The following ALK variants were observed in gnomAD, a reference collection of about 807,000 sequenced individuals.
ALK encodes ALK receptor tyrosine kinase.
A neutral mutation model predicts 163.1 loss-of-function variants in ALK; 74 were observed. The observed-to-expected ratio is 0.45, with a 90% CI of 0.38 to 0.55. ALK has a LOEUF of 0.55. Among genes scored for constraint, ALK ranks in the 20% least tolerant of loss-of-function variants. The probability of loss-of-function intolerance (pLI) is 0.00; values close to 1 mark genes in which losing one functional copy is unlikely to be tolerated. For synonymous variants in ALK, 960 were observed against 843.2 expected (o/e 1.14, Z -2.40); for missense variants, 2,063 against 2,105.3 (o/e 0.98, Z 0.39).
intron 3 of ALK, among the ~76,000 whole-genome samples, chr2:29,679,817 C>T (rs1197657824): frequency 2.0e-4 from 30 of 151,900 alleles, no homozygotes. Flanking sequence ...TTCAAGTTAG[C>T]TCCTGGTATG....
At chr2:29,621,101 G>C (rs753512456) in intron 3 of ALK, among the ~76,000 whole-genome samples, 1 of 152,174 alleles carries the variant, frequency 6.6e-6, no homozygotes, top group Admixed American at 6.5e-5. Context: ...TTCCAAAGGA[G>C]GGGGAGAGAT....
intron 3 of ALK, among the ~76,000 whole-genome samples, chr2:29,651,204 C>T (rs993557712): frequency 1.3e-5 from 2 of 152,162 alleles, no homozygotes; most frequent in Admixed American, 6.5e-5. Flanking sequence ...ATCCAGACCA[C>T]TCTTCCTGAC....
intron 5 of ALK, among the ~76,000 whole-genome samples, chr2:29,344,836 T>C (rs1667898845): frequency 2.0e-5 from 3 of 152,256 alleles, no homozygotes; most frequent in African/African-American, 4.8e-5. Context: ...AGATAACACT[T>C]GAGTTATCCT....
chr2:29,851,666 C>T (rs1458942889), intron 1 of ALK, among the ~76,000 whole-genome samples: 1 of 152,154 alleles, frequency 6.6e-6, no homozygotes, highest in East Asian at 1.9e-4. Flanking sequence ...GGTCTGGGAA[C>T]CACACTTTAA....
chr2:29,826,694 C>T (rs200709596), intron 1 of ALK, among the ~76,000 whole-genome samples: 1 of 152,210 alleles, frequency 6.6e-6, no homozygotes, highest in Non-Finnish European at 1.5e-5. Flanking sequence ...TGCCTGCCTG[C>T]CCTCCATGAT....
intron 1 of ALK, among the ~76,000 whole-genome samples, chr2:29,733,491 A>G (rs1378525266): frequency 1.3e-5 from 2 of 152,218 alleles, no homozygotes; most frequent in African/African-American, 4.8e-5. Context: ...ACGTGACCTC[A>G]GGCAAACTAT....
chr2:29,871,950 T>C (rs1321855304), intron 1 of ALK, among the ~76,000 whole-genome samples: 3 of 152,214 alleles, frequency 2.0e-5, no homozygotes, highest in Admixed American at 6.5e-5. Context: ...TCTTCTAACA[T>C]GCCTTCCTGG....
chr2:29,274,495 G>A (rs1232977108), intron 11 of ALK, among the ~76,000 whole-genome samples: 5 of 152,238 alleles, frequency 3.3e-5, no homozygotes, highest in African/African-American at 4.8e-5. Flanking sequence ...TAGGTTCACA[G>A]CCGCTGGTCT....
intron 18 of ALK, 137 bp downstream of exon 18, chr2:29,226,785 A>G: frequency 9.3e-7 from 1 of 1,080,222 alleles, no homozygotes. Flanking sequence ...AGAGCACTCG[A>G]GCTGTGGCAG....
chr2:29,345,484 G>A (rs1447500732), intron 5 of ALK, among the ~76,000 whole-genome samples: 1 of 151,770 alleles, frequency 6.6e-6, no homozygotes, highest in African/African-American at 2.4e-5. Context: ...TAGCAAGGAT[G>A]TAGTGAGTTA....
intron 11 of ALK, among the ~76,000 whole-genome samples, chr2:29,267,329 T>G (rs963173323): frequency 1.3e-5 from 2 of 152,200 alleles, no homozygotes; most frequent in African/African-American, 4.8e-5. Flanking sequence ...CGAGAGACTA[T>G]GAAGTGGAGG....
chr2:29,569,567 C>T (rs554318173), intron 3 of ALK, among the ~76,000 whole-genome samples: 1 of 77,544 alleles, frequency 1.3e-5, no homozygotes, highest in East Asian at 4.4e-4. Context: ...TTTTCTTCCC[C>T]CCCCCTAGTG....
intron 26 of ALK, among the ~76,000 whole-genome samples, chr2:29,197,995 C>T (rs1040379882): frequency 9.2e-5 from 14 of 152,134 alleles, no homozygotes; most frequent in African/African-American, 3.1e-4. Context: ...AAACATTTTC[C>T]ATGCCAGTCC....
chr2:29,251,172 C>T lies in ALK; in HGVS notation c.2137G>A (p.Glu713Lys), dbSNP rs2148197410. The stretch of plus-strand genomic sequence containing the variant: ...TTCAGGGGGCCCTCGCTCCCCACCT[C>T]CACGCTCAGGTTGGAGTTCTGGTAG... ...NAYQNSNLSV[E>K]VGSEGPLKGI... The change falls in exon 12 of 29, where the codon GAG (glutamate) becomes AAG (lysine). Residue 713 changes from glutamate (E) to lysine (K), a missense_variant. Physicochemically the swap from Glu to Lys is moderately conservative, Grantham distance 56. Coordinates refer to ENST00000389048, the MANE Select transcript of ALK (RefSeq NM_004304.5). 1 of 1,614,186 alleles carries T rather than the reference C, an allele frequency of 6.2e-7. No individual in the cohort carries two copies. Among genetic ancestry groups the T allele is most frequent in the Non-Finnish European group, 8.5e-7 (1 of 1,180,020 alleles).
At chr2:29,706,768 C>T (rs1182089276) in intron 2 of ALK, among the ~76,000 whole-genome samples, 1 of 152,124 alleles carries the variant, frequency 6.6e-6, no homozygotes, top group Non-Finnish European at 1.5e-5. Context: ...AATCATAGAA[C>T]AGAAAATTGA....
intron 15 of ALK, among the ~76,000 whole-genome samples, chr2:29,232,057 TTGACGGC>T (rs1664224751): frequency 8.3e-6 from 1 of 119,814 alleles, no homozygotes; most frequent in African/African-American, 3.0e-5. Flanking sequence ...AGCTGGCTGA[TTGACGGC>T]TGCTCCCTGC....
chr2:29,411,454 G>T (rs1256507734), intron 4 of ALK, among the ~76,000 whole-genome samples: 5 of 151,604 alleles, frequency 3.3e-5, no homozygotes, highest in African/African-American at 1.2e-4. Context: ...TTTGGTATTG[G>T]AATCCATGTT....
intron 1 of ALK, among the ~76,000 whole-genome samples, chr2:29,831,071 GGA>G: frequency 2.0e-4 from 1 of 5,120 alleles, no homozygotes; most frequent in Non-Finnish European, 5.6e-4. Flanking sequence ...GGGAGGAAGG[GGA>G]GGAGGAGGAG....
At chr2:29,570,224 T>C (rs958777890) in intron 3 of ALK, among the ~76,000 whole-genome samples, 6 of 152,208 alleles carry the variant, frequency 3.9e-5, no homozygotes, top group African/African-American at 1.4e-4. Context: ...AGGATTCTAA[T>C]GGATTTCTAA....
Sources: gnomAD v4.1 joint callset for allele counts (sites outside exome capture counted in the v4.1 genomes callset) on GRCh38, gnomAD v4.1.1 for gene constraint, MANE v1.5 for transcripts, NCBI Gene and HGNC (gene_info 2026-07-23, HGNC 2026-07-21) for gene names.